The following ZNF518B variants were observed in gnomAD, a reference collection of about 807,000 sequenced individuals.
ZNF518B encodes the protein zinc finger protein 518B.
A neutral mutation model predicts 56.3 loss-of-function variants in ZNF518B; 23 were observed. The observed-to-expected ratio is 0.41, with a 90% CI of 0.29 to 0.58. ZNF518B has a LOEUF of 0.58. Among genes scored for constraint, ZNF518B ranks in the 20% least tolerant of loss-of-function variants. The pLI, the probability that ZNF518B is intolerant of heterozygous loss-of-function variation, is 0.32. For missense variants in ZNF518B, 1,460 were observed against 1,272.1 expected (o/e 1.15, Z -2.25); for synonymous variants, 529 against 465.9 (o/e 1.14, Z -1.74).
rs751675053 is a variant in ZNF518B, at chr4:10,443,956, C to T, written c.2373G>A (p.Glu791=). Residue 791 remains glutamate (E), a synonymous_variant, in exon 3 of 3, where the codon GAG becomes GAA. Coordinates refer to ENST00000326756, the MANE Select transcript of ZNF518B (RefSeq NM_053042.3). ...LNSSENAHII[E]ATCEAPVSIP... ...TGCTGACAGGTGCTTCACATGTAGCCTCTATGATGTGGGCATTCTCAGAGG... is the reference window on the plus strand; with the variant it reads ...TGCTGACAGGTGCTTCACATGTAGCTTCTATGATGTGGGCATTCTCAGAGG... 2.4e-5 allele frequency: 38 copies of T among 1,614,204 alleles called. No individual in the cohort carries two copies. The highest frequency in any genetic ancestry group is 3.1e-5 in the Non-Finnish European group (37 of 1,180,036).
intron 1 of ZNF518B, among the ~76,000 whole-genome samples, 177 bp from the exon 2 acceptor site, chr4:10,455,165 C>T (rs1715476998): frequency 6.6e-6 from 1 of 152,204 alleles, no homozygotes; most frequent in Admixed American, 6.5e-5. Flanking sequence ...CCTAGCAGAT[C>T]AGGTTACCAT....
At chr4:10,453,585 A>G (rs565005869) in intron 2 of ZNF518B, 1 of 152,344 alleles carries the variant, frequency 6.6e-6, no homozygotes, top group African/African-American at 2.4e-5. Context: ...GTGAAAGAGC[A>G]AATATGCTCT....
chr4:10,458,705 G>A (rs767192262), upstream of ZNF518B, among the ~76,000 whole-genome samples: 1 of 152,158 alleles, frequency 6.6e-6, no homozygotes, highest in Non-Finnish European at 1.5e-5. Context: ...ACACATTTAT[G>A]TGCAGATAGC....
Position 10,446,425 on chromosome 4 carries a change from A to C in ZNF518B, c.-97T>G. 8.5e-7 allele frequency: 1 copy of C among 1,178,830 alleles called. No individual in the cohort carries two copies. Among genetic ancestry groups the C allele is most frequent in the South Asian group, 1.5e-5 (1 of 67,336 alleles). 73.0% of individuals were successfully genotyped at this position (1,178,830 alleles called of 1,614,324 possible). On this transcript the variant is annotated 5_prime_UTR_variant, in exon 3 of 3. Transcript: ENST00000326756. ...TCCTTCTATACAGTTTGTGATGGGT[A>C]GGGGCGCAGCTACTTCTTGGGTGCA... is the stretch of plus-strand genomic sequence containing the variant.
rs747879987 is a variant in ZNF518B at position 10,443,477 on chromosome 4, A to C, written c.2852T>G (p.Val951Gly). ...CACATTGGTCACTTCTGGCGAGTCC[A>C]CATCAGGGTGGTTTAACACAATGAC... The part of the protein sequence containing the change: ...QPVIVLNHPD[V>G]DSPEVTNVMK... The change falls in exon 3 of 3, where the codon GTG becomes GGG. Residue 951 changes from valine to glycine, a missense_variant. Transcript: ENST00000326756. 6.2e-7 allele frequency: 1 copy of C among 1,614,064 alleles called. No individual in the cohort carries two copies. Among genetic ancestry groups the C allele is most frequent in the African/African-American group, 1.3e-5 (1 of 74,932 alleles).
chr4:10,443,985 T>G lies in ZNF518B; in HGVS notation c.2344A>C (p.Asn782His). The G allele has an allele frequency of 7.4e-6, 12 of 1,614,212 alleles. No individual in the cohort carries two copies. The highest frequency in any genetic ancestry group is 1.0e-5 in the Non-Finnish European group (12 of 1,180,026). Residue 782 changes from asparagine (N) to histidine (H), a missense_variant, in exon 3 of 3, where the codon AAT (asparagine) becomes CAT (histidine). Transcript: ENST00000326756. The stretch of plus-strand genomic sequence containing the variant: ...ATGATGTGGGCATTCTCAGAGGAAT[T>G]AAGAACCCTCAACACAGCCCCTTTG... ...IPKGAVLRVLNSSENAHIIEA... is the reference protein window; with the variant it reads ...IPKGAVLRVLHSSENAHIIEA...
rs200699063 is a variant in ZNF518B, at chr4:10,445,301, C to G, written c.1028G>C (p.Cys343Ser). The change falls in exon 3 of 3, where the codon TGT (cysteine) becomes TCT (serine). Residue 343 changes from cysteine (C) to serine (S), a missense_variant. Coordinates refer to ENST00000326756, the MANE Select transcript of ZNF518B (RefSeq NM_053042.3). Reference protein sequence around the residue: ...APAELVVPANCLAQLIDVKVV... With the variant: ...APAELVVPANSLAQLIDVKVV... Reference sequence around the variant, plus strand: ...CTTCACATCTATCAACTGGGCTAAACAGTTTGCAGGGACAACTAGTTCTGC... The same window carrying G: ...CTTCACATCTATCAACTGGGCTAAAGAGTTTGCAGGGACAACTAGTTCTGC... The G allele has an allele frequency of 1.2e-6, 2 of 1,614,084 alleles. No homozygotes were observed. Among genetic ancestry groups the G allele is most frequent in the East Asian group, 2.2e-5 (1 of 44,896 alleles).
At position 10,441,019 on chromosome 4, in the gene ZNF518B, C is replaced by T. The variant is rs1714653801; in HGVS notation, c.*2085G>A. On this transcript the variant is annotated 3_prime_UTR_variant, in exon 3 of 3. Transcript: ENST00000326756. The stretch of plus-strand genomic sequence containing the variant: ...TACCAAAGATCTACTTCCTAAAAAG[C>T]ACCAAATAAAAATGCAGTAATAAAA... 1 of 152,500 alleles carries T rather than the reference C, an allele frequency of 6.6e-6. No individual in the cohort carries two copies. Among genetic ancestry groups the T allele is most frequent in the African/African-American group, 2.4e-5 (1 of 41,406 alleles). 9.4% of individuals were successfully genotyped at this position (152,500 alleles called of 1,614,324 possible).
chr4:10,443,357 C>T lies in ZNF518B; in HGVS notation c.2972G>A (p.Arg991His), dbSNP rs1314132671. Residue 991 changes from arginine (R) to histidine (H), a missense_variant, in exon 3 of 3, where the codon CGC becomes CAC. Arg to His is a conservative substitution (Grantham distance 29, BLOSUM62 0). Transcript: ENST00000326756. ...TTCTTCCGCATTCTGGTAGGTCAGGCGTACATGATGCCGTCTGATGCCTAG... is the reference window on the plus strand; with the variant it reads ...TTCTTCCGCATTCTGGTAGGTCAGGTGTACATGATGCCGTCTGATGCCTAG... ...CQLGIRRHHV[R>H]LTYQNAEEAS... is the part of the protein sequence containing the mutation. 5.0e-6 allele frequency: 8 copies of T among 1,614,084 alleles called. No individual in the cohort carries two copies. Among genetic ancestry groups the T allele is most frequent in the East Asian group, 2.2e-5 (1 of 44,898 alleles).
Position 10,445,853 on chromosome 4 carries a change from T to A in ZNF518B, c.476A>T (p.Glu159Val), listed in dbSNP as rs1317418131. Residue 159 changes from glutamate to valine, a missense_variant, in exon 3 of 3, where the codon GAG becomes GTG. Coordinates refer to ENST00000326756, the MANE Select transcript of ZNF518B (RefSeq NM_053042.3). Reference sequence around the variant, plus strand: ...GCAGTGAGAACAAATGAATTTAATCTCCTCGTGTTGAAGGGTGTGCTTTTT... The same window carrying A: ...GCAGTGAGAACAAATGAATTTAATCACCTCGTGTTGAAGGGTGTGCTTTTT... The part of the protein sequence containing the change: ...QYKKHTLQHE[E>V]IKFICSHCSY... 1 of 1,613,868 alleles carries A rather than the reference T, an allele frequency of 6.2e-7. No homozygotes were observed. The highest frequency in any genetic ancestry group is 8.5e-7 in the Non-Finnish European group (1 of 1,179,830).
intron 2 of ZNF518B, among the ~76,000 whole-genome samples, chr4:10,450,032 C>T (rs1009448463): frequency 2.0e-5 from 3 of 152,204 alleles, no homozygotes; most frequent in Admixed American, 6.5e-5. Context: ...AGTAAGATCA[C>T]GTCCATCAGC....
intron 1 of ZNF518B, among the ~76,000 whole-genome samples, chr4:10,456,591 G>A (rs1402079541): frequency 1.3e-5 from 2 of 152,154 alleles, no homozygotes; most frequent in Non-Finnish European, 2.9e-5. Flanking sequence ...GCTGGTTTTC[G>A]AGTTTATTGT....
intron 2 of ZNF518B, among the ~76,000 whole-genome samples, chr4:10,447,611 T>C (rs1577223838): frequency 6.6e-6 from 1 of 150,398 alleles, no homozygotes; most frequent in African/African-American, 2.4e-5. Context: ...GAAGGTTTTC[T>C]AGAGCAAGTA....
rs766201293 is a variant in ZNF518B, at chr4:10,444,697, GC to G, written c.1631del (p.Gly544AlafsTer5). The G allele has an allele frequency of 1.2e-6, 2 of 1,614,140 alleles. No individual in the cohort carries two copies. The highest frequency in any genetic ancestry group is 1.1e-5 in the South Asian group (1 of 91,074). ...AGTCATTTTCACTTACAGGCAATAA[GC>G]CCTTTTCTCCAGAGAAGGAACAGGT... ...PATCSFSGEK[G>X]LLPVSENDLE... On this transcript the variant is annotated frameshift_variant, in exon 3 of 3. Coordinates refer to ENST00000326756, the MANE Select transcript of ZNF518B (RefSeq NM_053042.3). LOFTEE classifies it high-confidence loss of function.
At chr4:10,455,564 G>A (rs989919801) in intron 1 of ZNF518B, among the ~76,000 whole-genome samples, 1 of 152,104 alleles carries the variant, frequency 6.6e-6, no homozygotes, top group African/African-American at 2.4e-5. Context: ...CACAAAAACT[G>A]GCCCCGATGC....
chr4:10,443,656 GGTTTT>G lies in ZNF518B; in HGVS notation c.2668_2672del (p.Lys890GlnfsTer15), dbSNP rs746868691. 3 of 1,613,980 alleles carry G rather than the reference GGTTTT, an allele frequency of 1.9e-6. No individual in the cohort carries two copies. Among genetic ancestry groups the G allele is most frequent in the South Asian group, 1.1e-5 (1 of 91,074 alleles). ...TCTTCCTGGATAAGTGTACTTGTTT[GGTTTT>G]ATTTCTACTTATAGAAAGACTTCTG... On this transcript the variant is annotated frameshift_variant, in exon 3 of 3. Coordinates refer to ENST00000326756, the MANE Select transcript of ZNF518B (RefSeq NM_053042.3). LOFTEE classifies it high-confidence loss of function.
At chr4:10,457,470 C>G (rs1577230237), upstream of ZNF518B, 1 of 152,256 alleles carries the variant, frequency 6.6e-6, no homozygotes. Context: ...CGGCGCGGCT[C>G]CAGCGAGGCC....
At position 10,443,991 on chromosome 4, in the gene ZNF518B, C is replaced by A. The variant is rs80340183; in HGVS notation, c.2338G>T (p.Val780Phe). The stretch of plus-strand genomic sequence containing the variant: ...TGGGCATTCTCAGAGGAATTAAGAA[C>A]CCTCAACACAGCCCCTTTGGGGATT... ...VLIPKGAVLR[V>F]LNSSENAHII... The change falls in exon 3 of 3, where the codon GTT (valine) becomes TTT (phenylalanine). Residue 780 changes from valine to phenylalanine, a missense_variant. Physicochemically the swap from Val to Phe is conservative, Grantham distance 50 (BLOSUM62 -1). Coordinates refer to ENST00000326756, the MANE Select transcript of ZNF518B (RefSeq NM_053042.3). 1 of 1,614,198 alleles carries A rather than the reference C, an allele frequency of 6.2e-7. No individual in the cohort carries two copies. The highest frequency in any genetic ancestry group is 8.5e-7 in the Non-Finnish European group (1 of 1,180,034).
rs752545110 is a variant in ZNF518B at position 10,446,378 on chromosome 4, A to G, written c.-50T>C. On this transcript the variant is annotated 5_prime_UTR_variant, in exon 3 of 3. The change abolishes an upstream ATG in the 5' untranslated region. Transcript: ENST00000326756. The stretch of plus-strand genomic sequence containing the variant: ...CAACTAAAATTCAGAAAGTTTTCAC[A>G]TGATAAAATCCTTAGGAGATATCCT... 5.2e-6 allele frequency: 8 copies of G among 1,549,294 alleles called. No individual in the cohort carries two copies. Among genetic ancestry groups the G allele is most frequent in the African/African-American group, 2.7e-5 (2 of 73,232 alleles).
Sources: gnomAD v4.1 joint callset for allele counts (sites outside exome capture counted in the v4.1 genomes callset) on GRCh38, gnomAD v4.1.1 for gene constraint, MANE v1.5 for transcripts, NCBI Gene and HGNC (gene_info 2026-07-23, HGNC 2026-07-21) for gene names.